GOPC: variants seen among roughly 807,000 people sequenced by gnomAD.
The protein encoded by GOPC is golgi associated PDZ and coiled-coil motif containing.
GOPC carries 32 observed loss-of-function variants against 51.2 expected under a neutral mutation model. The ratio of observed to expected loss-of-function variants is 0.63; its 90% CI spans 0.47 to 0.84. The LOEUF (loss-of-function observed/expected upper bound fraction) is 0.84. GOPC is among the 40% of genes least tolerant of loss of function. GOPC has a pLI of 0.00. For synonymous variants in GOPC, 190 were observed against 205.1 expected, an observed-to-expected ratio of 0.93 and a Z score of 0.63; for missense variants, 441 against 555.5, an observed-to-expected ratio of 0.79 and a Z score of 2.07.
At chr6:117,575,473 C>G in intron 3 of GOPC, 121 bp from the exon 4 acceptor site, 1 of 819,552 alleles carries the variant, frequency 1.2e-6, no homozygotes, top group Non-Finnish European at 2.1e-6. Context: ...TAAAATGGAA[C>G]ACAAAGATCT....
At position 117,573,492 on chromosome 6, in the gene GOPC, C is replaced by A; in HGVS notation, c.791G>T (p.Arg264Leu). The A allele has an allele frequency of 6.2e-7, 1 of 1,613,792 alleles. No individual in the cohort carries two copies. Residue 264 changes from arginine to leucine, a missense_variant, in exon 5 of 9, where the codon CGA becomes CTA. Transcript: ENST00000368498. ...RACRGRNDLK[R>L]PMQAPPGHDQ... Reference sequence around the variant, plus strand: ...ATGGCCTGGTGGTGCTTGCATTGGTCGTTTCAAGTCATTACGTCCTCTGCA... The same window carrying A: ...ATGGCCTGGTGGTGCTTGCATTGGTAGTTTCAAGTCATTACGTCCTCTGCA...
intron 1 of GOPC, among the ~76,000 whole-genome samples, chr6:117,590,834 A>ATTTTGTTTTGTTTTG (rs56012071): frequency 1.3e-4 from 20 of 150,918 alleles, no homozygotes; most frequent in East Asian, 1.2e-3. Flanking sequence ...TCAGTTCCAA[A>ATTTTGTTTTGTTTTG]TTTTGTTTTG....
At position 117,562,564 on chromosome 6, in the gene GOPC, A is replaced by T. The variant is rs1420798795; in HGVS notation, c.*690T>A. The T allele has an allele frequency of 4.9e-6, 1 of 202,734 alleles. No homozygotes were observed. The highest frequency in any genetic ancestry group is 1.0e-5 in the Non-Finnish European group (1 of 98,706). The allele number at this position is 202,734 out of a possible 1,614,324, so 12.6% of individuals were successfully genotyped here. A position where few individuals can be genotyped will look rare whatever the true frequency, so the allele number is the denominator to read the frequency against. ...TTACACTCATCTGCATTTCTTTTAA[A>T]AAACAAAAAAAGTAAAATGTTTAGT... On this transcript the variant is annotated 3_prime_UTR_variant, in exon 9 of 9. Coordinates refer to ENST00000368498, the MANE Select transcript of GOPC (RefSeq NM_020399.4).
At position 117,575,281 on chromosome 6, in the gene GOPC, C is replaced by T; in HGVS notation, c.546G>A (p.Leu182=). The change falls in exon 4 of 9, where the codon TTG becomes TTA. Residue 182 remains leucine (L), a synonymous_variant. Transcript: ENST00000368498. ...TACGAAGGGCTTCATTCTCTTTTCT[C>T]AACAATTTCACTTCAGCTTCAAGTT... The part of the protein sequence containing the change: ...EAQLEAEVKL[L]RKENEALRRH... 2 of 1,613,726 alleles carry T rather than the reference C, an allele frequency of 1.2e-6. No homozygotes were observed. The highest frequency in any genetic ancestry group is 2.2e-5 in the East Asian group (1 of 44,870).
intron 6 of GOPC, among the ~76,000 whole-genome samples, chr6:117,570,149 C>T (rs1779779058): frequency 6.6e-6 from 1 of 151,258 alleles, no homozygotes; most frequent in Non-Finnish European, 1.5e-5. Flanking sequence ...CACTCTCTAG[C>T]TTATATCATT....
At chr6:117,588,933 C>T (rs1780073066) in intron 1 of GOPC, among the ~76,000 whole-genome samples, 1 of 152,056 alleles carries the variant, frequency 6.6e-6, no homozygotes, top group Non-Finnish European at 1.5e-5. Flanking sequence ...GCTCATGTGG[C>T]TCCACCATAT....
At chr6:117,574,477 T>A (rs1162827555) in intron 4 of GOPC, among the ~76,000 whole-genome samples, 1 of 152,188 alleles carries the variant, frequency 6.6e-6, no homozygotes, top group Non-Finnish European at 1.5e-5. Flanking sequence ...ACCAACACGT[T>A]TTTTTGAAGG....
chr6:117,561,266 T>C lies in GOPC; in HGVS notation c.*1988A>G, dbSNP rs984237097. 1.8e-5 allele frequency: 4 copies of C among 223,604 alleles called. No individual in the cohort carries two copies. Among genetic ancestry groups the C allele is most frequent in the Non-Finnish European group, 3.6e-5 (4 of 112,084 alleles). The allele number at this position is 223,604 out of a possible 1,614,324, so 13.9% of individuals were successfully genotyped here. On this transcript the variant is annotated 3_prime_UTR_variant, in exon 9 of 9. Coordinates refer to ENST00000368498, the MANE Select transcript of GOPC (RefSeq NM_020399.4). Reference sequence around the variant, plus strand: ...TCATAAAAATTCCAACTTGAAGTTTTAAAAAACCACCTCTTCATACACTTA... The same window carrying C: ...TCATAAAAATTCCAACTTGAAGTTTCAAAAAACCACCTCTTCATACACTTA...
chr6:117,583,299 G>C (rs556983184), intron 1 of GOPC, among the ~76,000 whole-genome samples: 1 of 152,350 alleles, frequency 6.6e-6, no homozygotes, highest in Non-Finnish European at 1.5e-5. Context: ...AAGGTGTCAA[G>C]AAAATATCCT....
rs1259423231 is a variant in GOPC at position 117,563,189 on chromosome 6, ATCTTCC to A, written c.*59_*64del. On this transcript the variant is annotated 3_prime_UTR_variant, in exon 9 of 9. Transcript: ENST00000368498. ...CCCTGATTTTGTAGTCTTTGTCACC[ATCTTCC>A]CCAGTGCCCCAAATTCAGAATAGTC... is the stretch of plus-strand genomic sequence containing the variant. 8 of 1,482,456 alleles carry A rather than the reference ATCTTCC, an allele frequency of 5.4e-6. No homozygotes were observed. In the African/African-American group the frequency reaches 1.1e-4, roughly 21 times the overall value. The allele number at this position is 1,482,456 out of a possible 1,614,324, so 91.8% of individuals were successfully genotyped here. A position where few individuals can be genotyped will look rare whatever the true frequency, so the allele number is the denominator to read the frequency against.
At chr6:117,568,474 C>T (rs911491549) in intron 7 of GOPC, among the ~76,000 whole-genome samples, 3 of 152,196 alleles carry the variant, frequency 2.0e-5, no homozygotes, top group South Asian at 2.1e-4. Context: ...CTTATGGCTG[C>T]CCATTGATAG....
At chr6:117,587,437 G>C (rs1473107687) in intron 1 of GOPC, among the ~76,000 whole-genome samples, 1 of 151,938 alleles carries the variant, frequency 6.6e-6, no homozygotes, top group Non-Finnish European at 1.5e-5. Context: ...CCCAGAGTTT[G>C]AGGCCAGTCT....
Position 117,566,952 on chromosome 6 carries a change from C to T in GOPC, c.1160G>A (p.Ser387Asn). 2 of 1,611,740 alleles carry T rather than the reference C, an allele frequency of 1.2e-6. No individual in the cohort carries two copies. The highest frequency in any genetic ancestry group is 1.1e-5 in the South Asian group (1 of 90,760). The change falls in exon 8 of 9, where the codon AGT becomes AAT. Residue 387 changes from serine to asparagine, a missense_variant. Around this residue, in one of 3 missense-constraint regions of GOPC, gnomAD observed 166 missense variants for 267.0 expected, o/e 0.62. Coordinates refer to ENST00000368498, the MANE Select transcript of GOPC (RefSeq NM_020399.4). ...DDENVEYEDE[S>N]GHRYRLYLDE... is the part of the protein sequence containing the mutation. ...AAGGTACAAACGGTAACGATGTCCA[C>T]TCTCATCTTCATACTCTACGTTTTC...
chr6:117,570,860 T>G lies in GOPC; in HGVS notation c.912A>C (p.Thr304=), dbSNP rs145298596. The G allele has an allele frequency of 1.1e-5, 16 of 1,484,196 alleles. No homozygotes were observed. The highest frequency in any genetic ancestry group is 1.8e-4 in the Middle Eastern group (1 of 5,672). The allele number at this position is 1,484,196 out of a possible 1,614,324, so 91.9% of individuals were successfully genotyped here. Residue 304 remains threonine (T), a splice_region_variant and synonymous_variant, in exon 6 of 9, where the codon ACA becomes ACC. Coordinates refer to ENST00000368498, the MANE Select transcript of GOPC (RefSeq NM_020399.4). ...TGATACTGGAAGTACTACTTCTTAC[T>G]GTAATTGAAATGCCAAGGCCTTCAT... ...EDHEGLGISI[T]GGKEHGVPIL...
At chr6:117,581,940 A>T (rs1779964865) in intron 1 of GOPC, among the ~76,000 whole-genome samples, 1 of 152,132 alleles carries the variant, frequency 6.6e-6, no homozygotes, top group Admixed American at 6.6e-5. Context: ...CACTTTTCCA[A>T]GTGATTGTAG....
chr6:117,586,233 C>T (rs532871724), intron 1 of GOPC, among the ~76,000 whole-genome samples: 2 of 151,870 alleles, frequency 1.3e-5, no homozygotes, highest in African/African-American at 4.8e-5. Flanking sequence ...GTCAAAAAAA[C>T]AAAAATGTAA....
intron 6 of GOPC, 112 bp from the exon 7 acceptor site, chr6:117,569,848 GT>G: frequency 8.4e-7 from 1 of 1,184,020 alleles, no homozygotes; most frequent in Non-Finnish European, 1.1e-6. Flanking sequence ...CACCTATGCT[GT>G]CTCTATAAAT....
chr6:117,562,323 A>G lies in GOPC; in HGVS notation c.*931T>C. The G allele has an allele frequency of 4.9e-6, 1 of 202,148 alleles. No homozygotes were observed. The highest frequency in any genetic ancestry group is 1.0e-5 in the Non-Finnish European group (1 of 98,280). The allele number at this position is 202,148 out of a possible 1,614,324, so 12.5% of individuals were successfully genotyped here. ...GAAAACTGCCGTTTGATTTGAATGT[A>G]CTGTGTTTCATGACATAGTAATAAA... On this transcript the variant is annotated 3_prime_UTR_variant, in exon 9 of 9. Transcript: ENST00000368498.
intron 8 of GOPC, among the ~76,000 whole-genome samples, chr6:117,565,495 T>C (rs1356699563): frequency 1.3e-5 from 2 of 152,206 alleles, no homozygotes. Flanking sequence ...TCTTTTCCCA[T>C]GCAAAATTTT....
Sources: allele counts gnomAD v4.1 joint callset (sites outside exome capture counted in the v4.1 genomes callset), GRCh38; gene constraint gnomAD v4.1.1; regional missense constraint gnomAD v4.1.1; transcripts MANE v1.5; gene names NCBI Gene and HGNC (gene_info 2026-07-23, HGNC 2026-07-21).